SH3RF1: variants seen among roughly 807,000 people sequenced by gnomAD.
SH3RF1 encodes E3 ubiquitin-protein ligase SH3RF1.
Under a neutral mutation model 74.0 loss-of-function variants are expected in SH3RF1, and 32 were observed. The observed-to-expected ratio is 0.43, with a 90% CI of 0.33 to 0.58. The LOEUF (loss-of-function observed/expected upper bound fraction) is 0.58, where lower values mean the gene tolerates loss of function less well. Ranked by LOEUF, SH3RF1 falls within the 20% of genes least tolerant of loss-of-function variation. The pLI, the probability that SH3RF1 is intolerant of heterozygous loss-of-function variation, is 0.05. For synonymous variants in SH3RF1, 396 were observed against 439.6 expected (o/e 0.90, Z 1.24); for missense variants, 954 against 1,130.9 (o/e 0.84, Z 2.24).
At chr4:169,117,821 C>G in intron 8 of SH3RF1, 39 bp from the exon 9 acceptor site, 5 of 1,578,196 alleles carry the variant, frequency 3.2e-6, no homozygotes, top group Non-Finnish European at 4.3e-6. Flanking sequence ...CCCAGTCCAT[C>G]AGCAAAATGA....
intron 10 of SH3RF1, among the ~76,000 whole-genome samples, 172 bp from the exon 11 acceptor site, chr4:169,107,377 A>G (rs1733164322): frequency 6.6e-6 from 1 of 152,030 alleles, no homozygotes; most frequent in Admixed American, 6.6e-5. Flanking sequence ...ATCTTTTTAC[A>G]TTATTTCTGT....
chr4:169,162,195 A>G (rs1331825530), intron 2 of SH3RF1, among the ~76,000 whole-genome samples: 1 of 152,222 alleles, frequency 6.6e-6, no homozygotes, highest in Non-Finnish European at 1.5e-5. Flanking sequence ...TCTTTTGTAC[A>G]ACAAAAAACA....
intron 6 of SH3RF1, among the ~76,000 whole-genome samples, chr4:169,125,280 C>T (rs988668087): frequency 6.6e-6 from 1 of 152,144 alleles, no homozygotes; most frequent in Non-Finnish European, 1.5e-5. Flanking sequence ...GAGTGAGCAC[C>T]CAGGGAAGAA....
chr4:169,117,932 A>G, intron 8 of SH3RF1, 150 bp from the exon 9 acceptor site: 2 of 1,036,466 alleles, frequency 1.9e-6, no homozygotes, highest in Non-Finnish European at 2.7e-6. Flanking sequence ...AAGAATAGAA[A>G]ATTCAACGTA....
rs1194887552 is a variant in SH3RF1, at chr4:169,202,385, A to G, written c.394-45706T>C. Among the ~76,000 whole-genome samples, 4 of 147,770 alleles carry G rather than the reference A, an allele frequency of 2.7e-5. No homozygotes were observed. The Admixed American group carries it at 2.7e-4, about 10-fold the overall frequency. ...CTTGTGCCCACATATCAAGGCAAAT[A>G]GAGTACAAATTTTAAAGCCTCAAAC... On this transcript the variant is annotated intron_variant, in intron 2 of 11. Transcript: ENST00000284637.
chr4:169,176,529 A>C (rs1449557122), intron 2 of SH3RF1, among the ~76,000 whole-genome samples: 2 of 152,096 alleles, frequency 1.3e-5, no homozygotes, highest in Non-Finnish European at 2.9e-5. Flanking sequence ...AGATGAACAT[A>C]AATGTTGAGG....
intron 4 of SH3RF1, among the ~76,000 whole-genome samples, chr4:169,141,715 G>A (rs1231023329): frequency 6.6e-6 from 1 of 150,436 alleles, no homozygotes; most frequent in Admixed American, 6.6e-5. Flanking sequence ...TCAGCTCAGT[G>A]CAACCTCTGC....
At chr4:169,116,657 C>T in intron 9 of SH3RF1, 27 bp from the exon 10 acceptor site, 1 of 1,511,436 alleles carries the variant, frequency 6.6e-7, no homozygotes, top group African/African-American at 1.4e-5. Flanking sequence ...GGGAACACAG[C>T]AAAATTCAAC....
chr4:169,140,716 G>A (rs927436231), intron 4 of SH3RF1, among the ~76,000 whole-genome samples: 8 of 152,104 alleles, frequency 5.3e-5, no homozygotes, highest in East Asian at 1.9e-4. Context: ...TTTAAAAGGC[G>A]GGACTTACAA....
chr4:169,167,197 A>G (rs2126970959), intron 2 of SH3RF1: 1 of 153,636 alleles, frequency 6.5e-6, no homozygotes, highest in East Asian at 1.9e-4. Context: ...CATCTTGAAA[A>G]GAAGATGTTT....
At chr4:169,118,342 A>C (rs368699044) in intron 8 of SH3RF1, among the ~76,000 whole-genome samples, 2 of 152,320 alleles carry the variant, frequency 1.3e-5, no homozygotes, top group East Asian at 3.9e-4. Flanking sequence ...CCTCAGATTC[A>C]GGTTTAAGAT....
chr4:169,244,470 C>T (rs971301816), intron 2 of SH3RF1, among the ~76,000 whole-genome samples: 1 of 151,960 alleles, frequency 6.6e-6, no homozygotes, highest in South Asian at 2.1e-4. Flanking sequence ...TAGAGTTTCA[C>T]AATACTTCTT....
chr4:169,224,552 A>G (rs961698509), intron 2 of SH3RF1, among the ~76,000 whole-genome samples: 4 of 152,190 alleles, frequency 2.6e-5, no homozygotes, highest in African/African-American at 4.8e-5. Flanking sequence ...TCCTGACCTC[A>G]GGTGATCTGC....
chr4:169,226,256 T>C (rs1188851801), intron 2 of SH3RF1, among the ~76,000 whole-genome samples: 1 of 152,184 alleles, frequency 6.6e-6, no homozygotes, highest in African/African-American at 2.4e-5. Context: ...TAAAAGAGTA[T>C]ATTTTGTTTC....
chr4:169,206,717 C>G (rs938873925), intron 2 of SH3RF1, among the ~76,000 whole-genome samples: 1 of 151,976 alleles, frequency 6.6e-6, no homozygotes, highest in African/African-American at 2.4e-5. Flanking sequence ...ATAGGGTGCA[C>G]AGAGGAAAAC....
At chr4:169,131,055 CAT>C (rs1330658612) in intron 5 of SH3RF1, among the ~76,000 whole-genome samples, 2 of 152,184 alleles carry the variant, frequency 1.3e-5, no homozygotes, top group Admixed American at 6.5e-5. Context: ...TAATCCCAAA[CAT>C]AGTTTTCTCA....
chr4:169,117,289 T>A (rs1561027857), intron 9 of SH3RF1, among the ~76,000 whole-genome samples: 1 of 152,180 alleles, frequency 6.6e-6, no homozygotes, highest in Non-Finnish European at 1.5e-5. Flanking sequence ...CTATTGACAT[T>A]CTTAGGATCA....
chr4:169,139,182 T>C (rs1300403691), intron 4 of SH3RF1, among the ~76,000 whole-genome samples: 2 of 152,142 alleles, frequency 1.3e-5, no homozygotes, highest in South Asian at 2.1e-4. Context: ...GCTCAAGCGA[T>C]CCTCCTGTCT....
At chr4:169,151,063 T>C (rs1417099711) in intron 4 of SH3RF1, among the ~76,000 whole-genome samples, 3 of 152,188 alleles carry the variant, frequency 2.0e-5, no homozygotes, top group African/African-American at 4.8e-5. Flanking sequence ...AATGTAGAAG[T>C]TGGCAAAATC....
Sources: gnomAD v4.1 joint callset for allele counts (sites outside exome capture counted in the v4.1 genomes callset) on GRCh38, gnomAD v4.1.1 for gene constraint, MANE v1.5 for transcripts, NCBI Gene and HGNC (gene_info 2026-07-23, HGNC 2026-07-21) for gene names.